RNF144A: variants seen among roughly 807,000 people sequenced by gnomAD.
RNF144A encodes ring finger protein 144A.
RNF144A carries 11 observed loss-of-function variants against 38.7 expected under a neutral mutation model. The observed-to-expected ratio is 0.28, with a 90% CI of 0.18 to 0.47. The LOEUF (loss-of-function observed/expected upper bound fraction) is 0.47, where lower values mean the gene tolerates loss of function less well. RNF144A is among the 20% of genes least tolerant of loss of function. The probability of loss-of-function intolerance (pLI) is 0.99; values close to 1 mark genes in which losing one functional copy is unlikely to be tolerated. For missense variants in RNF144A, 316 were observed against 377.2 expected, an observed-to-expected ratio of 0.84 and a Z score of 1.34; for synonymous variants, 149 against 143.9, an observed-to-expected ratio of 1.04 and a Z score of -0.25.
intron 1 of RNF144A, among the ~76,000 whole-genome samples, chr2:6,924,321 C>A (rs768038558): frequency 1.3e-5 from 2 of 152,218 alleles, no homozygotes; most frequent in Non-Finnish European, 2.9e-5. Context: ...AGGCACTGTG[C>A]GATGCACGGG....
chr2:6,990,996 T>C (rs1360763635), intron 2 of RNF144A, among the ~76,000 whole-genome samples: 1 of 152,232 alleles, frequency 6.6e-6, no homozygotes, highest in African/African-American at 2.4e-5. Context: ...ATTTCTTCCA[T>C]GTCTTTTCTT....
intron 2 of RNF144A, among the ~76,000 whole-genome samples, chr2:6,966,473 T>A (rs1004072689): frequency 6.6e-6 from 1 of 152,240 alleles, no homozygotes; most frequent in African/African-American, 2.4e-5. Flanking sequence ...TCACCCACTT[T>A]GGTCTTCCCA....
rs530719598 is a variant in RNF144A at position 6,964,450 on chromosome 2, C to T, written c.-12+23303C>T. Among the ~76,000 whole-genome samples, 15 of 152,292 alleles carry T rather than the reference C, an allele frequency of 9.8e-5. No homozygotes were observed. In the East Asian group the frequency reaches 2.9e-3, roughly 29 times the overall value. On this transcript the variant is annotated intron_variant, in intron 2 of 8. Transcript: ENST00000320892. ...ATCTAGAACTAGAAATACCATTTGA[C>T]CCAGCCATCCCATTACTGGGTATAT...
intron 3 of RNF144A, among the ~76,000 whole-genome samples, chr2:7,009,549 T>C (rs764614113): frequency 6.6e-6 from 1 of 151,808 alleles, no homozygotes; most frequent in Non-Finnish European, 1.5e-5. Flanking sequence ...TCAAGAACCT[T>C]ATAAAAACAA....
chr2:7,003,536 G>A (rs1670251690), intron 3 of RNF144A, among the ~76,000 whole-genome samples: 1 of 152,250 alleles, frequency 6.6e-6, no homozygotes, highest in South Asian at 2.1e-4. Context: ...ACAGCACCCT[G>A]TACAGGTTTG....
intron 2 of RNF144A, among the ~76,000 whole-genome samples, chr2:6,989,482 G>T (rs981862117): frequency 6.6e-6 from 1 of 152,108 alleles, no homozygotes; most frequent in African/African-American, 2.4e-5. Flanking sequence ...TTACAGGTTC[G>T]GCCCATTCCC....
intron 8 of RNF144A, among the ~76,000 whole-genome samples, chr2:7,033,245 G>A (rs1281687933): frequency 6.6e-6 from 1 of 152,246 alleles, no homozygotes; most frequent in African/African-American, 2.4e-5. Context: ...GCCCATGTGC[G>A]GCCCACGTGG....
chr2:6,964,827 G>A (rs1217582786), intron 2 of RNF144A, among the ~76,000 whole-genome samples: 1 of 151,920 alleles, frequency 6.6e-6, no homozygotes, highest in African/African-American at 2.4e-5. Flanking sequence ...TTGTGGGGTC[G>A]GGGAGGGGGA....
rs1040567121 is a variant in RNF144A at position 7,042,551 on chromosome 2, A to C, written c.*2791A>C. The stretch of plus-strand genomic sequence containing the variant: ...TGGGTGGCCAGTGAGGACTGGCCTT[A>C]GCCCAGTGGACCTGTGGCTTCTCTG... On this transcript the variant is annotated 3_prime_UTR_variant, in exon 9 of 9. Coordinates refer to ENST00000320892, the MANE Select transcript of RNF144A (RefSeq NM_014746.6). 1.3e-5 allele frequency: 13 copies of C among 985,384 alleles called. No individual in the cohort carries two copies. The highest frequency in any genetic ancestry group is 1.7e-5 in the African/African-American group (1 of 57,244). 61.0% of individuals were successfully genotyped at this position (985,384 alleles called of 1,614,324 possible).
rs553857035 is a variant in RNF144A, at chr2:6,941,531, A to G, written c.-12+384A>G. Among the ~76,000 whole-genome samples the G allele has an allele frequency of 1.3e-5, 2 of 152,360 alleles. No homozygotes were observed. Among genetic ancestry groups the G allele is most frequent in the South Asian group, 4.1e-4 (2 of 4,830 alleles). On this transcript the variant is annotated intron_variant, in intron 2 of 8. Transcript: ENST00000320892. This position sits in a 1 kb window ranked among gnomAD's most constrained non-coding sequence, Gnocchi z 6.5. ...TGAGGCAGCACCAGTGCCTGCTCTCACGAAGATTCTGTGTTTGTGAGGAAT... is the reference window on the plus strand; with the variant it reads ...TGAGGCAGCACCAGTGCCTGCTCTCGCGAAGATTCTGTGTTTGTGAGGAAT...
chr2:6,970,103 G>T (rs1667914891), intron 2 of RNF144A, among the ~76,000 whole-genome samples: 1 of 152,208 alleles, frequency 6.6e-6, no homozygotes, highest in African/African-American at 2.4e-5. Context: ...TGGGTATAAG[G>T]TGTATATGGA....
In RNF144A at chr2:7,050,094, C is replaced by T. The variant is rs765722669; in HGVS notation, c.735-18122C>T. Among the ~76,000 whole-genome samples, 119 of 152,288 alleles carry T rather than the reference C, an allele frequency of 7.8e-4. 1 individual carries two copies. The highest frequency in any genetic ancestry group is 3.4e-3 in the Middle Eastern group (1 of 294). On this transcript the variant is annotated intron_variant, in intron 6 of 6. Transcript: ENST00000432850. ...TTGCCTTTCCCAGGAGATGAATTCA[C>T]GAGTGAGTAGGACCTGGTTCCCTGT...
chr2:6,922,515 G>T (rs2103268014), intron 1 of RNF144A, among the ~76,000 whole-genome samples: 1 of 152,220 alleles, frequency 6.6e-6, no homozygotes, highest in East Asian at 1.9e-4. Context: ...GTTTATTGTT[G>T]ATGCATGGTG....
At chr2:7,037,726 G>A (rs1558454609) in intron 8 of RNF144A, among the ~76,000 whole-genome samples, 1 of 152,240 alleles carries the variant, frequency 6.6e-6, no homozygotes, top group Non-Finnish European at 1.5e-5. Context: ...CTCAGTCGAG[G>A]TATACTTTGT....
intron 6 of RNF144A, among the ~76,000 whole-genome samples, chr2:7,054,585 G>A (rs989210997): frequency 1.3e-5 from 2 of 152,200 alleles, no homozygotes; most frequent in Non-Finnish European, 2.9e-5. Context: ...CTGAATGTAT[G>A]TGTTTCCCCC....
At chr2:7,061,631 G>T (rs1673959850) in intron 6 of RNF144A, among the ~76,000 whole-genome samples, 1 of 152,188 alleles carries the variant, frequency 6.6e-6, no homozygotes, top group Non-Finnish European at 1.5e-5. Flanking sequence ...CAAGTCTTCT[G>T]CTGTCAGAAT....
At chr2:7,032,328 C>T (rs1468242972) in intron 8 of RNF144A, among the ~76,000 whole-genome samples, 2 of 151,978 alleles carry the variant, frequency 1.3e-5, no homozygotes, top group African/African-American at 2.4e-5. Context: ...GGAATCCGCG[C>T]CCCTTGCAGC....
intron 3 of RNF144A, among the ~76,000 whole-genome samples, chr2:7,000,534 G>A (rs1481760951): frequency 1.3e-5 from 2 of 152,150 alleles, no homozygotes; most frequent in African/African-American, 4.8e-5. Context: ...AGCTATTTAG[G>A]TCTGTCTTAT....
chr2:7,029,294 T>C (rs77379243), intron 7 of RNF144A, among the ~76,000 whole-genome samples: 2,042 of 152,294 alleles, frequency 0.013, 49 homozygotes, highest in African/African-American at 0.047. Context: ...CCTGGAGGCA[T>C]AGAGGGCTCG....
Sources: allele counts gnomAD v4.1 joint callset (sites outside exome capture counted in the v4.1 genomes callset), GRCh38; gene constraint gnomAD v4.1.1; non-coding constraint Gnocchi (gnomAD v3.1); transcripts MANE v1.5; gene names NCBI Gene and HGNC (gene_info 2026-07-23, HGNC 2026-07-21).